The following FNIP2 variants were observed in gnomAD, a reference collection of about 807,000 sequenced individuals.
The protein encoded by FNIP2 is folliculin interacting protein 2, also known as folliculin-interacting protein 2.
FNIP2 carries 32 observed loss-of-function variants against 108.7 expected under a neutral mutation model. That is an observed-to-expected ratio of 0.29 (90% CI 0.22 to 0.40). The LOEUF is 0.40. FNIP2 is among the 10% of genes least tolerant of loss of function. FNIP2 has a pLI of 1.00. For synonymous variants in FNIP2, 480 were observed against 496.7 expected, an observed-to-expected ratio of 0.97 and a Z score of 0.45; for missense variants, 1,202 against 1,381.6, an observed-to-expected ratio of 0.87 and a Z score of 2.06.
intron 14 of FNIP2, among the ~76,000 whole-genome samples, chr4:158,890,697 G>A (rs974963578): frequency 1.3e-5 from 2 of 152,162 alleles, no homozygotes; most frequent in Non-Finnish European, 2.9e-5. Flanking sequence ...TTGATGAGAA[G>A]TCAAAAGAAT....
chr4:158,841,002 A>G (rs1779100375), intron 7 of FNIP2, among the ~76,000 whole-genome samples: 1 of 152,252 alleles, frequency 6.6e-6, no homozygotes, highest in African/African-American at 2.4e-5. Flanking sequence ...ACATTATCAT[A>G]GTGTTCAAAT....
intron 2 of FNIP2, among the ~76,000 whole-genome samples, chr4:158,826,896 A>G (rs565671160): frequency 1.3e-5 from 2 of 152,348 alleles, no homozygotes; most frequent in South Asian, 4.1e-4. Flanking sequence ...TGCTACCCAT[A>G]CTGACCAAAT....
chr4:158,797,697 TCAAAACAAAA>T (rs894850936), intron 1 of FNIP2, among the ~76,000 whole-genome samples: 2 of 152,044 alleles, frequency 1.3e-5, no homozygotes, highest in African/African-American at 2.4e-5. Context: ...AGACCCTGTC[TCAAAACAAAA>T]CAAAACAAAA....
At chr4:158,779,721 G>A (rs1775974028) in intron 1 of FNIP2, among the ~76,000 whole-genome samples, 1 of 149,752 alleles carries the variant, frequency 6.7e-6, no homozygotes, top group Non-Finnish European at 1.5e-5. Context: ...AGACAGGCAT[G>A]CACCACCATA....
intron 1 of FNIP2, among the ~76,000 whole-genome samples, chr4:158,791,817 G>C (rs1334827745): frequency 6.6e-6 from 1 of 152,152 alleles, no homozygotes; most frequent in East Asian, 1.9e-4. Context: ...ATATACATCA[G>C]TAATCTCGAG....
At chr4:158,832,281 C>T (rs959063239) in intron 5 of FNIP2, 143 bp downstream of exon 5, 1 of 656,230 alleles carries the variant, frequency 1.5e-6, no homozygotes, top group African/African-American at 1.8e-5. Context: ...AAAGTGGCTA[C>T]TGTCCTATAA....
At chr4:158,822,714 G>A (rs568536007) in intron 1 of FNIP2, among the ~76,000 whole-genome samples, 12 of 152,178 alleles carry the variant, frequency 7.9e-5, no homozygotes, top group Non-Finnish European at 1.0e-4. Context: ...ATCCAGTCTT[G>A]TCTGGAATTC....
At chr4:158,877,684 G>A (rs1481897920) in intron 14 of FNIP2, among the ~76,000 whole-genome samples, 3 of 152,214 alleles carry the variant, frequency 2.0e-5, no homozygotes, top group African/African-American at 7.2e-5. Context: ...GGGTTAGAGT[G>A]GGGAGAGTCA....
chr4:158,879,157 T>C (rs1578965000), intron 14 of FNIP2, among the ~76,000 whole-genome samples: 1 of 149,898 alleles, frequency 6.7e-6, no homozygotes, highest in African/African-American at 2.5e-5. Context: ...ATTTTTCAGG[T>C]TAAGTAAGCA....
At chr4:158,822,334 C>T (rs376311806) in intron 1 of FNIP2, among the ~76,000 whole-genome samples, 1 of 152,006 alleles carries the variant, frequency 6.6e-6, no homozygotes, top group East Asian at 1.9e-4. Flanking sequence ...AGGTGTGTAC[C>T]ACCGTGCCCA....
intron 14 of FNIP2, among the ~76,000 whole-genome samples, chr4:158,882,238 C>G (rs1184272874): frequency 6.6e-6 from 1 of 151,818 alleles, no homozygotes; most frequent in African/African-American, 2.4e-5. Flanking sequence ...GCAGCCGCCC[C>G]GTCTGAGAAG....
In FNIP2 at chr4:158,904,552, C is replaced by T. The variant is rs1729661396; in HGVS notation, c.*8C>T. On this transcript the variant is annotated 3_prime_UTR_variant, in exon 17 of 17. Coordinates refer to ENST00000264433, the MANE Select transcript of FNIP2 (RefSeq NM_020840.3). ...GCTCAAATACTCTTATAAGCTAAAG[C>T]TCAGGACAGTTCTTCCTTGGAAGAA... 1 of 1,610,068 alleles carries T rather than the reference C, an allele frequency of 6.2e-7. No homozygotes were observed. The highest frequency in any genetic ancestry group is 1.3e-5 in the African/African-American group (1 of 74,978).
intron 1 of FNIP2, among the ~76,000 whole-genome samples, chr4:158,821,182 C>A (rs1777865710): frequency 6.6e-6 from 1 of 152,204 alleles, no homozygotes; most frequent in African/African-American, 2.4e-5. Context: ...CTGTATAAGT[C>A]ATTTTGCTTA....
In FNIP2 at chr4:158,810,690, C is replaced by T. The variant is rs544164606; in HGVS notation, c.108-15226C>T. ...AACTGACATCAGCTTTTGTCTCGGT[C>T]ATATTTGGATAAGCATTGATGACAT... On this transcript the variant is annotated intron_variant, in intron 1 of 16. Coordinates refer to ENST00000264433, the MANE Select transcript of FNIP2 (RefSeq NM_020840.3). 2.0e-5 allele frequency among the ~76,000 whole-genome samples: 3 copies of T among 152,246 alleles called. No individual in the cohort carries two copies. The East Asian group carries it at 5.8e-4, about 29-fold the overall frequency.
intron 1 of FNIP2, chr4:158,794,701 CAT>C (rs1241271565): frequency 1.3e-5 from 2 of 152,350 alleles, no homozygotes; most frequent in African/African-American, 4.8e-5. Flanking sequence ...GAGCACCTCA[CAT>C]GTTTCTTATT....
chr4:158,841,112 G>A (rs952205369), intron 7 of FNIP2, among the ~76,000 whole-genome samples: 2 of 152,122 alleles, frequency 1.3e-5, no homozygotes, highest in South Asian at 2.1e-4. Flanking sequence ...CACACCAAGA[G>A]GATATGAAAA....
intron 16 of FNIP2, among the ~76,000 whole-genome samples, chr4:158,901,589 A>G (rs1403760495): frequency 6.6e-6 from 1 of 152,122 alleles, no homozygotes; most frequent in African/African-American, 2.4e-5. Context: ...GTGTTTTCCA[A>G]CTTGGTTCCA....
chr4:158,899,164 A>G (rs1406461910), intron 16 of FNIP2, among the ~76,000 whole-genome samples: 4 of 152,130 alleles, frequency 2.6e-5, no homozygotes, highest in Non-Finnish European at 4.4e-5. Flanking sequence ...TGATTTGTGT[A>G]TGTTGAACCA....
chr4:158,865,063 C>A (rs920122224), intron 12 of FNIP2, among the ~76,000 whole-genome samples: 2 of 152,180 alleles, frequency 1.3e-5, no homozygotes, highest in African/African-American at 4.8e-5. Flanking sequence ...ACCTTTCCTG[C>A]TTCCATGCAC....
Sources: gnomAD v4.1 joint callset for allele counts (sites outside exome capture counted in the v4.1 genomes callset) on GRCh38, gnomAD v4.1.1 for gene constraint, MANE v1.5 for transcripts, NCBI Gene and HGNC (gene_info 2026-07-23, HGNC 2026-07-21) for gene names.